Variants in TMTC2 observed in about 807,000 individuals in gnomAD.
TMTC2 encodes the protein transmembrane O-mannosyltransferase targeting cadherins 2.
Under a neutral mutation model 82.4 loss-of-function variants are expected in TMTC2, and 43 were observed. The observed-to-expected ratio is 0.52, with a 90% confidence interval of 0.41 to 0.67. The LOEUF is 0.67. Among genes scored for constraint, TMTC2 ranks in the 30% least tolerant of loss-of-function variants. TMTC2 has a pLI of 0.00. For synonymous variants in TMTC2, 408 were observed against 381.9 expected (o/e 1.07, Z -0.80); for missense variants, 919 against 1,012.4 (o/e 0.91, Z 1.25).
Position 82,873,517 on chromosome 12 carries a change from A to G in TMTC2, c.654+15937A>G, listed in dbSNP as rs556390961. On this transcript the variant is annotated intron_variant, in intron 2 of 11. Transcript: ENST00000321196. ...AAATTGTAGGTCCCTACATAATTGC[A>G]ATTTTCTGGAGTAATAGTCTTACAT... is the stretch of plus-strand genomic sequence containing the variant. Among the ~76,000 whole-genome samples the G allele has an allele frequency of 3.3e-5, 5 of 152,126 alleles. No homozygotes were observed. The South Asian group carries it at 8.3e-4, about 25-fold the overall frequency.
chr12:83,115,940 A>G (rs867338480), intron 11 of TMTC2, among the ~76,000 whole-genome samples: 3 of 152,200 alleles, frequency 2.0e-5, no homozygotes, highest in Middle Eastern at 3.4e-3. Context: ...GGCACGTGCC[A>G]CCATGCCTGG....
At chr12:82,749,292 C>A (rs574940921) in intron 1 of TMTC2, among the ~76,000 whole-genome samples, 1 of 150,484 alleles carries the variant, frequency 6.6e-6, no homozygotes, top group East Asian at 2.0e-4. Flanking sequence ...ATGCTAAACT[C>A]TTTTAATTTA....
chr12:83,057,800 T>C (rs1389505481), intron 10 of TMTC2, among the ~76,000 whole-genome samples: 3 of 151,906 alleles, frequency 2.0e-5, no homozygotes, highest in African/African-American at 7.2e-5. Context: ...GTATCCGTGG[T>C]TTTTATATTA....
At chr12:82,811,796 A>C (rs1592541343) in intron 1 of TMTC2, among the ~76,000 whole-genome samples, 2 of 133,418 alleles carry the variant, frequency 1.5e-5, no homozygotes, top group African/African-American at 5.5e-5. Context: ...TTTCTTTTCC[A>C]TGCTCTCCTT....
At chr12:82,871,227 T>C (rs1872155662) in intron 2 of TMTC2, among the ~76,000 whole-genome samples, 1 of 152,206 alleles carries the variant, frequency 6.6e-6, no homozygotes, top group Non-Finnish European at 1.5e-5. Flanking sequence ...TGCCTGAGGA[T>C]TCATAGATAG....
intron 2 of TMTC2, among the ~76,000 whole-genome samples, chr12:82,863,350 A>G (rs1871648520): frequency 6.6e-6 from 1 of 152,072 alleles, no homozygotes; most frequent in Admixed American, 6.5e-5. Context: ...TGATCACAAT[A>G]TTTCTTAGCT....
rs201941481 is a variant in TMTC2, at chr12:82,838,784, G to GTT, written c.84-18212_84-18211dup. Among the ~76,000 whole-genome samples the GTT allele has an allele frequency of 2.1e-3, 287 of 135,224 alleles. 4 individuals are homozygous for GTT. The highest frequency in any genetic ancestry group is 8.0e-3 in the Middle Eastern group (2 of 250). 88.7% of individuals were successfully genotyped at this position (135,224 alleles called of 152,430 possible). ...GATGAGCTTATTAATATTTTTTCTTGTTTTTTTTTTTTTTTGAGATGAGTA... is the reference window on the plus strand; with the variant it reads ...GATGAGCTTATTAATATTTTTTCTTGTTTTTTTTTTTTTTTTTGAGATGAGTA... On this transcript the variant is annotated intron_variant, in intron 1 of 11. Coordinates refer to ENST00000321196, the MANE Select transcript of TMTC2 (RefSeq NM_152588.3).
intron 8 of TMTC2, among the ~76,000 whole-genome samples, chr12:82,988,657 T>C (rs1879273993): frequency 6.6e-6 from 1 of 151,826 alleles, no homozygotes; most frequent in Non-Finnish European, 1.5e-5. Context: ...CCCTATCCCA[T>C]GCAGAATACC....
chr12:82,967,289 T>TA (rs1408514257), intron 7 of TMTC2, among the ~76,000 whole-genome samples: 2 of 152,066 alleles, frequency 1.3e-5, no homozygotes, highest in African/African-American at 2.4e-5. Flanking sequence ...ACTGTAGAAA[T>TA]AAATAAGCTA....
chr12:83,051,051 A>G, intron 10 of TMTC2, 33 bp downstream of exon 10: 1 of 1,465,270 alleles, frequency 6.8e-7, no homozygotes, highest in East Asian at 2.3e-5. Flanking sequence ...CTCAAAGCCT[A>G]GGCTTTGAGA....
chr12:83,063,204 C>T (rs989258009), intron 11 of TMTC2, among the ~76,000 whole-genome samples: 1 of 151,506 alleles, frequency 6.6e-6, no homozygotes, highest in African/African-American at 2.4e-5. Context: ...CCTGTGTATT[C>T]AGAGATAAAG....
At chr12:82,751,111 A>C (rs1053932263) in intron 1 of TMTC2, among the ~76,000 whole-genome samples, 18 of 152,228 alleles carry the variant, frequency 1.2e-4, no homozygotes, top group Non-Finnish European at 1.9e-4. Flanking sequence ...AAATATATAC[A>C]CAATAGCAAA....
chr12:83,064,158 A>G (rs1308044374), intron 11 of TMTC2, among the ~76,000 whole-genome samples: 3 of 151,832 alleles, frequency 2.0e-5, no homozygotes, highest in South Asian at 2.1e-4. Flanking sequence ...TGGTTGGTCA[A>G]ATGACCATCT....
chr12:82,791,940 G>A (rs11115427), intron 1 of TMTC2, among the ~76,000 whole-genome samples: 3,928 of 152,192 alleles, frequency 0.026, 90 homozygotes, highest in Middle Eastern at 0.061. Context: ...ACCGTTCTAA[G>A]CTTCTTATCA....
chr12:82,779,971 G>A (rs963748352), intron 1 of TMTC2, among the ~76,000 whole-genome samples: 9 of 152,062 alleles, frequency 5.9e-5, no homozygotes, highest in Non-Finnish European at 1.3e-4. Context: ...TCATCCATTC[G>A]ACTGCTACTT....
intron 1 of TMTC2, among the ~76,000 whole-genome samples, chr12:82,726,878 CAAAAAAAAAAAA>C (rs757515287): frequency 4.7e-5 from 2 of 42,352 alleles, no homozygotes; most frequent in African/African-American, 1.8e-4. Flanking sequence ...GACTCTGTCT[CAAAAAAAAAAAA>C]AAAAAAAAAA....
At chr12:82,689,178 A>G (rs1355169945) in intron 1 of TMTC2, among the ~76,000 whole-genome samples, 1 of 152,232 alleles carries the variant, frequency 6.6e-6, no homozygotes, top group Non-Finnish European at 1.5e-5. Flanking sequence ...ATTCGTGGAA[A>G]AAGCCCTTGT....
intron 11 of TMTC2, among the ~76,000 whole-genome samples, chr12:83,077,901 T>TTTTG (rs1565879958): frequency 7.1e-6 from 1 of 141,124 alleles, no homozygotes; most frequent in South Asian, 2.3e-4. Context: ...TTTTTTTTTT[T>TTTTG]TTTTAACAGG....
At chr12:82,769,949 T>C (rs894556414) in intron 1 of TMTC2, among the ~76,000 whole-genome samples, 4 of 152,186 alleles carry the variant, frequency 2.6e-5, no homozygotes, top group African/African-American at 9.6e-5. Flanking sequence ...TTTTGTTTTC[T>C]TTTAATATAG....
Sources: gnomAD v4.1 joint callset for allele counts (sites outside exome capture counted in the v4.1 genomes callset) on GRCh38, gnomAD v4.1.1 for gene constraint, MANE v1.5 for transcripts, NCBI Gene and HGNC (gene_info 2026-07-23, HGNC 2026-07-21) for gene names.